MMP26: variants seen among roughly 807,000 people sequenced by gnomAD.
The protein encoded by MMP26 is matrix metallopeptidase 26.
Under a neutral mutation model 31.0 loss-of-function variants are expected in MMP26, and 33 were observed. The observed-to-expected ratio is 1.06, with a 90% confidence interval of 0.81 to 1.42. The LOEUF (loss-of-function observed/expected upper bound fraction) is 1.42, where lower values mean the gene tolerates loss of function less well. Ranked by LOEUF, MMP26 falls within the 40% of genes most tolerant of loss-of-function variation. The probability of loss-of-function intolerance (pLI) is 0.00; values close to 1 mark genes in which losing one functional copy is unlikely to be tolerated. For missense variants in MMP26, 347 were observed against 316.1 expected (o/e 1.10, Z -0.74); for synonymous variants, 122 against 114.9 (o/e 1.06, Z -0.40).
intron 2 of MMP26, among the ~76,000 whole-genome samples, chr11:4,836,133 C>A (rs117032865): frequency 0.027 from 4,163 of 152,090 alleles, 84 homozygotes; most frequent in Non-Finnish European, 0.039. Context: ...TTTAACACCT[C>A]CTAGAAATCC....
chr11:4,758,196 C>G (rs1215216334), intron 1 of MMP26, among the ~76,000 whole-genome samples: 3 of 152,152 alleles, frequency 2.0e-5, no homozygotes, highest in Admixed American at 1.3e-4. Flanking sequence ...CTAATAAGTG[C>G]TACAATATGG....
At chr11:4,790,049 A>G (rs573890680) in intron 2 of MMP26, among the ~76,000 whole-genome samples, 81 of 152,266 alleles carry the variant, frequency 5.3e-4, no homozygotes, top group African/African-American at 1.9e-3. Flanking sequence ...ACTATATTTA[A>G]GAAGCAATTA....
At position 4,862,588 on chromosome 11, in the gene MMP26, T is replaced by C. The variant is rs556451059; in HGVS notation, c.-145+95247T>C. Among the ~76,000 whole-genome samples the C allele has an allele frequency of 7.2e-5, 11 of 152,272 alleles. No homozygotes were observed. The South Asian group carries it at 2.3e-3, about 32-fold the overall frequency. ...GTCCTATGGTGTCTTTGTTCTCACCTAGGTACTTGTGAGAAAAGAGAAAAA... is the reference window on the plus strand; with the variant it reads ...GTCCTATGGTGTCTTTGTTCTCACCCAGGTACTTGTGAGAAAAGAGAAAAA... On this transcript the variant is annotated intron_variant, in intron 2 of 7. Coordinates refer to ENST00000380390, the MANE Select transcript of MMP26 (RefSeq NM_021801.5).
Position 4,863,941 on chromosome 11 carries a change from C to G in MMP26, c.-145+96600C>G, listed in dbSNP as rs143055727. ...TCTTAGGTGTGAACTCACATACGTG[C>G]ACACAAATGCATGTGTATGCACGCA... is the stretch of plus-strand genomic sequence containing the variant. On this transcript the variant is annotated intron_variant, in intron 2 of 7. Transcript: ENST00000380390. Among the ~76,000 whole-genome samples, 238 of 152,282 alleles carry G rather than the reference C, an allele frequency of 1.6e-3. 1 individual carries two copies. In the East Asian group the frequency reaches 0.02, roughly 13 times the overall value.
intron 2 of MMP26, among the ~76,000 whole-genome samples, chr11:4,868,345 A>C (rs1850265066): frequency 6.6e-6 from 1 of 152,160 alleles, no homozygotes; most frequent in Non-Finnish European, 1.5e-5. Flanking sequence ...AAATCTCCTT[A>C]AGCTGAGAAG....
intron 1 of MMP26, among the ~76,000 whole-genome samples, chr11:4,764,789 C>A (rs1347481089): frequency 6.6e-6 from 1 of 152,100 alleles, no homozygotes; most frequent in African/African-American, 2.4e-5. Context: ...AGGAGAATGG[C>A]GTGAACCCGG....
At chr11:4,900,307 C>T (rs1327014708) in intron 2 of MMP26, among the ~76,000 whole-genome samples, 1 of 152,182 alleles carries the variant, frequency 6.6e-6, no homozygotes. Context: ...TAAAACAAAC[C>T]TACACCCATC....
intron 1 of MMP26, among the ~76,000 whole-genome samples, chr11:4,753,369 A>C (rs1848469965): frequency 6.6e-6 from 1 of 152,126 alleles, no homozygotes; most frequent in South Asian, 2.1e-4. Flanking sequence ...TAAGACATTT[A>C]ATTAATTTCA....
At chr11:4,804,446 A>G (rs1390538536) in intron 2 of MMP26, 1 of 1,234,544 alleles carries the variant, frequency 8.1e-7, no homozygotes, top group African/African-American at 1.5e-5. Context: ...CAATCAAAAC[A>G]AGTGTTATTA....
At chr11:4,758,656 G>C (rs529492448) in intron 1 of MMP26, among the ~76,000 whole-genome samples, 1 of 152,080 alleles carries the variant, frequency 6.6e-6, no homozygotes. Flanking sequence ...ATAAACTGTA[G>C]AGGTAAACAT....
chr11:4,774,833 A>T (rs4910673), intron 2 of MMP26, among the ~76,000 whole-genome samples: 14,432 of 151,984 alleles, frequency 0.095, 851 homozygotes, highest in Middle Eastern at 0.15. Context: ...TCCAGTTTCA[A>T]TTTTTTGCAA....
chr11:4,809,354 T>C (rs996261132), intron 2 of MMP26, among the ~76,000 whole-genome samples: 3 of 152,234 alleles, frequency 2.0e-5, no homozygotes, highest in Admixed American at 6.5e-5. Context: ...TTTTGTTATA[T>C]AAATGTGGTT....
Position 4,723,171 on chromosome 11 carries a change from C to T in MMP26, c.-217+18126C>T. ...TTAATGGCCAGCTCCCCACGCTGCTCGGCATCTGCGATGGCGGCCTCCAGG... is the reference window on the plus strand; with the variant it reads ...TTAATGGCCAGCTCCCCACGCTGCTTGGCATCTGCGATGGCGGCCTCCAGG... On this transcript the variant is annotated intron_variant, in intron 1 of 7. Coordinates refer to ENST00000380390, the MANE Select transcript of MMP26 (RefSeq NM_021801.5). The T allele has an allele frequency of 4.4e-6, 7 of 1,595,324 alleles. No homozygotes were observed. In the South Asian group the frequency reaches 6.6e-5, roughly 15 times the overall value.
chr11:4,729,604 CA>C (rs1470950108), intron 1 of MMP26, among the ~76,000 whole-genome samples: 2 of 152,156 alleles, frequency 1.3e-5, no homozygotes, highest in East Asian at 3.9e-4. Flanking sequence ...AGGTATTGAG[CA>C]GAGTAAAATA....
chr11:4,803,317 G>T, intron 2 of MMP26: 1 of 743,442 alleles, frequency 1.3e-6, no homozygotes, highest in Non-Finnish European at 2.2e-6. Context: ...GCTTACCTCT[G>T]AGCCAGTTAT....
At chr11:4,723,357 C>T (rs1210888082) in intron 1 of MMP26, 14 of 967,128 alleles carry the variant, frequency 1.4e-5, no homozygotes, top group East Asian at 4.8e-5. Flanking sequence ...TCTCAGCCTC[C>T]GCCCGGCTGC....
At chr11:4,848,571 G>T in intron 2 of MMP26, 1 of 1,608,488 alleles carries the variant, frequency 6.2e-7, no homozygotes, top group Non-Finnish European at 8.5e-7. Context: ...CAAACCCATG[G>T]CTGAAAGAAC....
At chr11:4,760,880 C>T (rs1218488884) in intron 1 of MMP26, among the ~76,000 whole-genome samples, 1 of 152,088 alleles carries the variant, frequency 6.6e-6, no homozygotes, top group African/African-American at 2.4e-5. Context: ...TGAGTGTGTG[C>T]CAGTGACTGT....
chr11:4,905,749 T>A (rs1564803971), intron 2 of MMP26, among the ~76,000 whole-genome samples: 1 of 152,180 alleles, frequency 6.6e-6, no homozygotes. Context: ...GAGATTTGTG[T>A]TTCTCTGACA....
Sources: gnomAD v4.1 joint callset for allele counts (sites outside exome capture counted in the v4.1 genomes callset) on GRCh38, gnomAD v4.1.1 for gene constraint, MANE v1.5 for transcripts, NCBI Gene and HGNC (gene_info 2026-07-23, HGNC 2026-07-21) for gene names.